ERBB3: variants seen among roughly 807,000 people sequenced by gnomAD.
ERBB3 encodes erb-b2 receptor tyrosine kinase 3, also known as receptor tyrosine-protein kinase erbB-3.
In ERBB3, 96 loss-of-function variants were observed where a neutral mutation model predicts 156.7. The observed-to-expected ratio is 0.61, with a 90% CI of 0.52 to 0.73. The LOEUF (loss-of-function observed/expected upper bound fraction) is 0.73. Among genes scored for constraint, ERBB3 ranks in the 30% least tolerant of loss-of-function variants. The pLI is 0.00. For synonymous variants in ERBB3, 567 were observed against 632.0 expected (o/e 0.90, Z 1.54); for missense variants, 1,406 against 1,709.4 (o/e 0.82, Z 3.13).
chr12:56,100,985 C>T, intron 26 of ERBB3, 76 bp from the exon 27 acceptor site: 2 of 1,084,224 alleles, frequency 1.8e-6, no homozygotes, highest in Non-Finnish European at 2.7e-6. Context: ...AACCCAATAT[C>T]CTTCTAAACA....
chr12:56,096,124 T>C (rs1348107111), intron 17 of ERBB3: 1 of 511,062 alleles, frequency 2.0e-6, no homozygotes, highest in East Asian at 3.5e-5. Context: ...AAATAACATT[T>C]GTCCTTCCAG....
At position 56,097,223 on chromosome 12, in the gene ERBB3, T is replaced by C. The variant is rs762638258; in HGVS notation, c.2453T>C (p.Ile818Thr). The change falls in exon 20 of 28, where the codon ATT becomes ACT. Residue 818 changes from isoleucine (I) to threonine (T), a missense_variant. Coordinates refer to ENST00000267101, the MANE Select transcript of ERBB3 (RefSeq NM_001982.4). ...PQLLLNWGVQIAKGMYYLEEH... is the reference protein window; with the variant it reads ...PQLLLNWGVQTAKGMYYLEEH... ...CTGCTGCTCAACTGGGGAGTACAAA[T>C]TGCCAAGGTGAGAGAAGCCTGGAGG... The C allele has an allele frequency of 4.3e-6, 7 of 1,613,958 alleles. No individual in the cohort carries two copies. The highest frequency in any genetic ancestry group is 5.9e-6 in the Non-Finnish European group (7 of 1,179,946).
In ERBB3 at chr12:56,097,067, T is replaced by G; in HGVS notation, c.2297T>G (p.Leu766Arg). The change falls in exon 20 of 28, where the codon CTG (leucine) becomes CGG (arginine). Residue 766 changes from leucine (L) to arginine (R), a missense_variant. Around this residue, in one of 3 missense-constraint regions of ERBB3, gnomAD observed 979 missense variants for 1,219.6 expected, o/e 0.80. Coordinates refer to ENST00000267101, the MANE Select transcript of ERBB3 (RefSeq NM_001982.4). ...VTDHMLAIGS[L>R]DHAHIVRLLG... is the part of the protein sequence containing the mutation. ...TAGCATATGCTGGCCATTGGCAGCC[T>G]GGACCATGCCCACATTGTAAGGCTG... 6.2e-7 allele frequency: 1 copy of G among 1,614,138 alleles called. No homozygotes were observed. Among genetic ancestry groups the G allele is most frequent in the Non-Finnish European group, 8.5e-7 (1 of 1,180,014 alleles).
chr12:56,098,130 C>T (rs1349840925), intron 21 of ERBB3, 190 bp downstream of exon 21: 13 of 639,780 alleles, frequency 2.0e-5, no homozygotes, highest in South Asian at 7.8e-5. Flanking sequence ...ACTGGCCGGG[C>T]GCGGTGGCTC....
At position 56,085,067 on chromosome 12, in the gene ERBB3, C is replaced by A. The variant is rs146486757; in HGVS notation, c.307C>A (p.Arg103Ser). Residue 103 changes from arginine to serine, a missense_variant, in exon 3 of 28, where the codon CGC becomes AGC. This residue lies in a region of ERBB3 where 979 missense variants were observed against 1,219.6 expected (regional missense o/e 0.80). Coordinates refer to ENST00000267101, the MANE Select transcript of ERBB3 (RefSeq NM_001982.4). ...EFSTLPLPNLRVVRGTQVYDG... is the reference protein window; with the variant it reads ...EFSTLPLPNLSVVRGTQVYDG... Reference sequence around the variant, plus strand: ...CTCTACTCTACCATTGCCCAACCTCCGCGTGGTGCGAGGGACCCAGGTCTA... The same window carrying A: ...CTCTACTCTACCATTGCCCAACCTCAGCGTGGTGCGAGGGACCCAGGTCTA... 1.9e-6 allele frequency: 3 copies of A among 1,614,106 alleles called. No homozygotes were observed. Among genetic ancestry groups the A allele is most frequent in the Non-Finnish European group, 2.5e-6 (3 of 1,180,028 alleles).
In ERBB3 at chr12:56,102,662, T is replaced by C. The variant is rs1363991091; in HGVS notation, c.*607T>C. The C allele has an allele frequency of 8.6e-6, 2 of 231,262 alleles. No individual in the cohort carries two copies. The highest frequency in any genetic ancestry group is 1.7e-5 in the Non-Finnish European group (2 of 117,088). 14.3% of individuals were successfully genotyped at this position (231,262 alleles called of 1,614,324 possible). On this transcript the variant is annotated 3_prime_UTR_variant, in exon 28 of 28. Coordinates refer to ENST00000267101, the MANE Select transcript of ERBB3 (RefSeq NM_001982.4). ...CCTTAAAACAATTCTGTGACATACA[T>C]ATTATCTCATTTTACACAAAGGGAA... is the stretch of plus-strand genomic sequence containing the variant.
chr12:56,102,115 C>G lies in ERBB3; in HGVS notation c.*60C>G, dbSNP rs1869134333. 1.4e-6 allele frequency: 2 copies of G among 1,426,862 alleles called. No individual in the cohort carries two copies. The highest frequency in any genetic ancestry group is 4.5e-5 in the East Asian group (2 of 44,086). 88.4% of individuals were successfully genotyped at this position (1,426,862 alleles called of 1,614,324 possible). ...TGGCAGCTAGTGCCTTTAGAGGGTA[C>G]CGTCTTCTCCCTATTCCCTCTCTCT... On this transcript the variant is annotated 3_prime_UTR_variant, in exon 28 of 28. Transcript: ENST00000267101.
rs769586905 is a variant in ERBB3, at chr12:56,097,191, G to A, written c.2421G>A (p.Gly807=). Residue 807 remains glycine, a synonymous_variant, in exon 20 of 28, where the codon GGG becomes GGA. Coordinates refer to ENST00000267101, the MANE Select transcript of ERBB3 (RefSeq NM_001982.4). ...DHVRQHRGAL[G]PQLLLNWGVQ... ...TGAGACAACACCGGGGGGCACTGGG[G>A]CCACAGCTGCTGCTCAACTGGGGAG... 21 of 1,614,056 alleles carry A rather than the reference G, an allele frequency of 1.3e-5. No homozygotes were observed. The highest frequency in any genetic ancestry group is 1.8e-5 in the Non-Finnish European group (21 of 1,180,034).
intron 9 of ERBB3, chr12:56,089,135 A>ATTC (rs147491626): frequency 0.027 from 14,760 of 545,578 alleles, 1,787 homozygotes; most frequent in African/African-American, 0.25. Context: ...TTTCTTTTTT[A>ATTC]TTCTTTTTTC....
Position 56,097,635 on chromosome 12 carries a change from T to G in ERBB3, c.2461-150T>G, listed in dbSNP as rs948099128. 11 of 814,002 alleles carry G rather than the reference T, an allele frequency of 1.4e-5. No homozygotes were observed. In the African/African-American group the frequency reaches 1.9e-4, roughly 14 times the overall value. The allele number at this position is 814,002 out of a possible 1,614,324, so 50.4% of individuals were successfully genotyped here. ...CCCAAAACCAACCCTCCCCTTCCCC[T>G]GGAAAAACTGTCTTCCACAAAACCA... On this transcript the variant is annotated intron_variant, in intron 20 of 27. Coordinates refer to ENST00000267101, the MANE Select transcript of ERBB3 (RefSeq NM_001982.4).
rs2136795408 is a variant in ERBB3, at chr12:56,088,109, C to G, written c.821C>G (p.Pro274Arg). Residue 274 changes from proline (P) to arginine (R), a missense_variant, in exon 7 of 28, where the codon CCC (proline) becomes CGC (arginine). This residue lies in a region of ERBB3 where 979 missense variants were observed against 1,219.6 expected (regional missense o/e 0.80). Coordinates refer to ENST00000267101, the MANE Select transcript of ERBB3 (RefSeq NM_001982.4). Reference protein sequence around the residue: ...VYNKLTFQLEPNPHTKYQYGG... With the variant: ...VYNKLTFQLERNPHTKYQYGG... ...AACAAGCTAACTTTCCAGCTGGAAC[C>G]CAATCCCCACACCAAGTATCAGTAT... The G allele has an allele frequency of 6.2e-7, 1 of 1,614,206 alleles. No individual in the cohort carries two copies. The highest frequency in any genetic ancestry group is 8.5e-7 in the Non-Finnish European group (1 of 1,180,010).
At chr12:56,084,773 G>A (rs1436358899) in intron 2 of ERBB3, among the ~76,000 whole-genome samples, 1 of 152,110 alleles carries the variant, frequency 6.6e-6, no homozygotes, top group African/African-American at 2.4e-5. Flanking sequence ...GCTTGAACCC[G>A]GGAGGTGGAG....
chr12:56,096,798 A>C lies in ERBB3; in HGVS notation c.2226A>C (p.Lys742Asn), dbSNP rs1259368470. The C allele has an allele frequency of 1.9e-6, 3 of 1,614,186 alleles. No homozygotes were observed. Among genetic ancestry groups the C allele is most frequent in the Non-Finnish European group, 2.5e-6 (3 of 1,180,012 alleles). Reference sequence around the variant, plus strand: ...CAATCAAGATTCCAGTCTGCATTAAAGTCATTGAGGACAAGAGTGGACGGC... The same window carrying C: ...CAATCAAGATTCCAGTCTGCATTAACGTCATTGAGGACAAGAGTGGACGGC... Reference protein sequence around the residue: ...GESIKIPVCIKVIEDKSGRQS... With the variant: ...GESIKIPVCINVIEDKSGRQS... Residue 742 changes from lysine to asparagine, a missense_variant, in exon 19 of 28, where the codon AAA becomes AAC. This residue lies in a region of ERBB3 where 979 missense variants were observed against 1,219.6 expected (regional missense o/e 0.80). Coordinates refer to ENST00000267101, the MANE Select transcript of ERBB3 (RefSeq NM_001982.4).
intron 4 of ERBB3, among the ~76,000 whole-genome samples, chr12:56,087,334 G>A (rs12227040): frequency 0.01 from 1,590 of 152,190 alleles, 41 homozygotes; most frequent in East Asian, 0.096. Context: ...CTAGGACTAA[G>A]GTTGGCATTT....
At position 56,085,172 on chromosome 12, in the gene ERBB3, C is replaced by G; in HGVS notation, c.412C>G (p.Gln138Glu). The change falls in exon 3 of 28, where the codon CAG becomes GAG. Residue 138 changes from glutamine (Q) to glutamate (E), a missense_variant. Physicochemically the swap from Gln to Glu is conservative, Grantham distance 29. This residue lies in a region of ERBB3 where 979 missense variants were observed against 1,219.6 expected (regional missense o/e 0.80). Coordinates refer to ENST00000267101, the MANE Select transcript of ERBB3 (RefSeq NM_001982.4). ...CGCTCTGCGCCAGCTCCGCTTGACT[C>G]AGCTCACCGGTCAGTTCCCGATGGT... is the stretch of plus-strand genomic sequence containing the variant. ...SHALRQLRLTQLTEILSGGVY... is the reference protein window; with the variant it reads ...SHALRQLRLTELTEILSGGVY... The G allele has an allele frequency of 6.2e-7, 1 of 1,614,188 alleles. No individual in the cohort carries two copies. Among genetic ancestry groups the G allele is most frequent in the South Asian group, 1.1e-5 (1 of 91,088 alleles).
chr12:56,103,065 T>C lies in ERBB3; in HGVS notation c.*1010T>C, dbSNP rs1436507719. On this transcript the variant is annotated 3_prime_UTR_variant, in exon 28 of 28. Transcript: ENST00000267101. ...CCCAATTCCTGTGCATGTGCTCTTA[T>C]TGTAAGGTGCCAAGAAAAACTGATT... 4.3e-6 allele frequency: 1 copy of C among 230,334 alleles called. No homozygotes were observed. Among genetic ancestry groups the C allele is most frequent in the Non-Finnish European group, 8.6e-6 (1 of 116,054 alleles). The allele number at this position is 230,334 out of a possible 1,614,324, so 14.3% of individuals were successfully genotyped here.
At chr12:56,084,969 C>T (rs2136787603) in intron 2 of ERBB3, 26 bp from the exon 3 acceptor site, 1 of 1,613,842 alleles carries the variant, frequency 6.2e-7, no homozygotes, top group Non-Finnish European at 8.5e-7. Flanking sequence ...TTGTCTCTCT[C>T]ATTTACATAA....
chr12:56,083,643 G>T lies in ERBB3; in HGVS notation c.83-108G>T, dbSNP rs964475173. On this transcript the variant is annotated intron_variant, in intron 1 of 27. Transcript: ENST00000267101. Reference sequence around the variant, plus strand: ...TTGGAGGCAAATGCCATCTGATCCTGTCTAATGTAACTGGAAGAGGGCAAC... The same window carrying T: ...TTGGAGGCAAATGCCATCTGATCCTTTCTAATGTAACTGGAAGAGGGCAAC... The T allele has an allele frequency of 2.1e-5, 26 of 1,263,730 alleles. No individual in the cohort carries two copies. In the Admixed American group the frequency reaches 4.4e-4, roughly 21 times the overall value. 78.3% of individuals were successfully genotyped at this position (1,263,730 alleles called of 1,614,324 possible). A position where few individuals can be genotyped will look rare whatever the true frequency, so the allele number is the denominator to read the frequency against.
Position 56,088,533 on chromosome 12 carries a change from T to C in ERBB3, c.875-10T>C, listed in dbSNP as rs910517089. 2 of 1,592,390 alleles carry C rather than the reference T, an allele frequency of 1.3e-6. No homozygotes were observed. Among genetic ancestry groups the C allele is most frequent in the Non-Finnish European group, 1.7e-6 (2 of 1,160,248 alleles). On this transcript the variant is annotated splice_polypyrimidine_tract_variant and intron_variant, in intron 7 of 27. Coordinates refer to ENST00000267101, the MANE Select transcript of ERBB3 (RefSeq NM_001982.4). ...CTCATCTCTAATGGTGTCCTCCTCC[T>C]CTTCCCTAGATAACTTTGTGGTGGA...
Sources: allele counts gnomAD v4.1 joint callset (sites outside exome capture counted in the v4.1 genomes callset), GRCh38; gene constraint gnomAD v4.1.1; regional missense constraint gnomAD v4.1.1; transcripts MANE v1.5; gene names NCBI Gene and HGNC (gene_info 2026-07-23, HGNC 2026-07-21).